Variants in GSE1 observed in about 807,000 individuals in gnomAD.
GSE1 encodes the protein genetic suppressor element 1.
GSE1 carries 32 observed loss-of-function variants against 112.6 expected under a neutral mutation model. The observed-to-expected ratio is 0.28, with a 90% confidence interval of 0.21 to 0.38. GSE1 has a LOEUF of 0.38. GSE1 is among the 10% of genes least tolerant of loss of function. The pLI is 1.00. For synonymous variants in GSE1, 1,115 were observed against 735.6 expected (o/e 1.52, Z -8.35); for missense variants, 2,348 against 1,699.2 (o/e 1.38, Z -6.71).
Position 85,656,578 on chromosome 16 carries a change from C to A in GSE1, c.1225C>A (p.Leu409Met). ...LAAKALEPSF[L>M]PVAELHGLRG... is the part of the protein sequence containing the mutation. The stretch of plus-strand genomic sequence containing the variant: ...CGCCAAGGCCCTGGAGCCCAGCTTC[C>A]TGCCCGTGGCCGAGCTGCATGGGCT... The change falls in exon 7 of 16, where the codon CTG (leucine) becomes ATG (methionine). Residue 409 changes from leucine (L) to methionine (M), a missense_variant. Leu to Met is a conservative substitution (Grantham distance 15). Transcript: ENST00000253458. 1.3e-6 allele frequency: 2 copies of A among 1,547,544 alleles called. No individual in the cohort carries two copies. The highest frequency in any genetic ancestry group is 1.7e-6 in the Non-Finnish European group (2 of 1,145,824).
At chr16:85,385,736 G>A (rs989636493) in intron 2 of GSE1, among the ~76,000 whole-genome samples, 17 of 152,230 alleles carry the variant, frequency 1.1e-4, no homozygotes, top group Non-Finnish European at 2.5e-4. Context: ...CCATCCTGGA[G>A]CCCTTCCGAG....
Position 85,651,108 on chromosome 16 carries a change from C to T in GSE1, c.426+2357C>T, listed in dbSNP as rs187930396. On this transcript the variant is annotated intron_variant, in intron 3 of 15. Coordinates refer to ENST00000253458, the MANE Select transcript of GSE1 (RefSeq NM_014615.5). ...TCCCCCTCCGCCTTCTTTCTTTCAT[C>T]GTTGCAGCTGCGGCTGCAGCCGCTG... Among the ~76,000 whole-genome samples the T allele has an allele frequency of 9.8e-3, 1,382 of 140,888 alleles. 28 individuals are homozygous for T. Among genetic ancestry groups the T allele is most frequent in the African/African-American group, 0.035 (1,320 of 38,048 alleles). The allele number at this position is 140,888 out of a possible 152,430, so 92.4% of individuals were successfully genotyped here.
chr16:85,177,667 C>T (rs927709427), intron 1 of GSE1, among the ~76,000 whole-genome samples: 6 of 152,166 alleles, frequency 3.9e-5, no homozygotes, highest in Non-Finnish European at 7.3e-5. Context: ...TCTAGGAAAA[C>T]GTCTTGTGAT....
intron 1 of GSE1, among the ~76,000 whole-genome samples, chr16:85,623,139 C>T (rs187917862): frequency 2.0e-5 from 3 of 151,862 alleles, no homozygotes; most frequent in Admixed American, 6.5e-5. Context: ...CATTGATTCT[C>T]GTTTAAACAA....
intron 1 of GSE1, among the ~76,000 whole-genome samples, chr16:85,191,006 C>T (rs1461455688): frequency 6.6e-6 from 1 of 152,212 alleles, no homozygotes; most frequent in African/African-American, 2.4e-5. Context: ...TGCCTGTAAT[C>T]CCAGCACTTT....
At chr16:85,304,034 G>A (rs1052576846) in intron 1 of GSE1, among the ~76,000 whole-genome samples, 5 of 152,258 alleles carry the variant, frequency 3.3e-5, no homozygotes, top group African/African-American at 1.2e-4. Flanking sequence ...GCCCAGATAA[G>A]AGGAGACAGC....
At position 85,648,762 on chromosome 16, in the gene GSE1, C is replaced by T. The variant is rs369786356; in HGVS notation, c.426+11C>T. On this transcript the variant is annotated intron_variant, in intron 3 of 15. Coordinates refer to ENST00000253458, the MANE Select transcript of GSE1 (RefSeq NM_014615.5). ...AGTGAGAGCCGGCAGGTGAGTGGGG[C>T]GGGGCAGGGAGCCTAGCGTCCTCTA... The T allele has an allele frequency of 1.7e-5, 26 of 1,541,242 alleles. No homozygotes were observed. The highest frequency in any genetic ancestry group is 1.7e-4 in the Admixed American group (9 of 53,882).
chr16:85,310,100 G>T (rs995742943), intron 1 of GSE1, among the ~76,000 whole-genome samples: 2 of 152,194 alleles, frequency 1.3e-5, no homozygotes, highest in Admixed American at 6.5e-5. Context: ...CCCCTGTCCC[G>T]CCTGGCACTC....
intron 2 of GSE1, among the ~76,000 whole-genome samples, chr16:85,421,546 A>C (rs984939022): frequency 3.3e-5 from 5 of 152,226 alleles, no homozygotes; most frequent in African/African-American, 1.2e-4. Flanking sequence ...TTAATTCAAC[A>C]AACAGCTGCA....
intron 2 of GSE1, among the ~76,000 whole-genome samples, chr16:85,495,419 G>A (rs1184183921): frequency 6.6e-6 from 1 of 151,030 alleles, no homozygotes; most frequent in African/African-American, 2.4e-5. Context: ...ATGAGAACAT[G>A]CTGGGAACAT....
At chr16:85,352,496 A>G (rs2046870728) in intron 1 of GSE1, among the ~76,000 whole-genome samples, 1 of 152,242 alleles carries the variant, frequency 6.6e-6, no homozygotes, top group African/African-American at 2.4e-5. Context: ...GGATGCTGAC[A>G]TCACAGGCCC....
chr16:85,480,484 G>T (rs2050638557), intron 2 of GSE1, among the ~76,000 whole-genome samples: 3 of 152,184 alleles, frequency 2.0e-5, no homozygotes, highest in Admixed American at 2.0e-4. Context: ...GAGCCCTCTT[G>T]GGCCTCGACA....
intron 2 of GSE1, among the ~76,000 whole-genome samples, chr16:85,445,825 G>A (rs1008901996): frequency 6.6e-6 from 1 of 152,144 alleles, no homozygotes; most frequent in Non-Finnish European, 1.5e-5. Flanking sequence ...TTCTGCTGGG[G>A]GCCCGCCTTG....
At chr16:85,183,606 A>G (rs569783020) in intron 1 of GSE1, among the ~76,000 whole-genome samples, 8 of 152,324 alleles carry the variant, frequency 5.3e-5, no homozygotes, top group Admixed American at 1.3e-4. Context: ...TTGGACTCAG[A>G]TAGATGTTTG....
chr16:85,263,930 A>T (rs1907969740), intron 1 of GSE1, among the ~76,000 whole-genome samples: 1 of 152,002 alleles, frequency 6.6e-6, no homozygotes, highest in Non-Finnish European at 1.5e-5. Flanking sequence ...GGCCTCACAG[A>T]GCTGCTGGTC....
rs558947412 is a variant in GSE1, at chr16:85,621,287, A to T, written c.7+7889A>T. Among the ~76,000 whole-genome samples the T allele has an allele frequency of 2.6e-5, 4 of 152,248 alleles. No homozygotes were observed. The South Asian group carries it at 8.3e-4, about 32-fold the overall frequency. On this transcript the variant is annotated intron_variant, in intron 1 of 15. Coordinates refer to ENST00000253458, the MANE Select transcript of GSE1 (RefSeq NM_014615.5). The stretch of plus-strand genomic sequence containing the variant: ...CTGTGCTCTGTTGGGGAACCCGTTT[A>T]GATGGTCTTGGCCTTGGGTCTCTGC...
chr16:85,590,000 CTG>C (rs530287947), intron 1 of GSE1, among the ~76,000 whole-genome samples: 2 of 151,612 alleles, frequency 1.3e-5, no homozygotes, highest in East Asian at 2.0e-4. Flanking sequence ...GAATGTGAGA[CTG>C]TGTGACCTGT....
Position 85,373,461 on chromosome 16 carries a change from G to A in GSE1, c.2464+15818G>A, listed in dbSNP as rs1470409110. Among the ~76,000 whole-genome samples, 7 of 151,578 alleles carry A rather than the reference G, an allele frequency of 4.6e-5. No homozygotes were observed. The highest frequency in any genetic ancestry group is 1.3e-4 in the Admixed American group (2 of 15,276). ...AGGGGACGAGAACCTCTCCCCCTCC[G>A]CTGCTTTCCAGCTCAGCCTGTCTCC... is the stretch of plus-strand genomic sequence containing the variant. On this transcript the variant is annotated intron_variant, in intron 2 of 2. Coordinates refer to the GSE1 transcript ENST00000637419. This position sits in a 1 kb window ranked among gnomAD's most constrained non-coding sequence, Gnocchi z 5.1.
chr16:85,276,694 C>T (rs557589489), intron 1 of GSE1, among the ~76,000 whole-genome samples: 2 of 152,196 alleles, frequency 1.3e-5, no homozygotes, highest in Non-Finnish European at 2.9e-5. Flanking sequence ...ACCCACCACG[C>T]TGCTCTCAGC....
Sources: gnomAD v4.1 joint callset for allele counts (sites outside exome capture counted in the v4.1 genomes callset) on GRCh38, gnomAD v4.1.1 for gene constraint, Gnocchi (gnomAD v3.1) non-coding constraint, MANE v1.5 for transcripts, NCBI Gene and HGNC (gene_info 2026-07-23, HGNC 2026-07-21) for gene names.